CCDC136: variants seen among roughly 807,000 people sequenced by gnomAD.
CCDC136 encodes the protein coiled-coil domain containing 136.
CCDC136 carries 100 observed loss-of-function variants against 141.2 expected under a neutral mutation model. That is an observed-to-expected ratio of 0.71 (90% CI 0.60 to 0.84). The LOEUF (loss-of-function observed/expected upper bound fraction) is 0.84, where lower values mean the gene tolerates loss of function less well. CCDC136 is among the 40% of genes least tolerant of loss of function. The pLI is 0.00. For synonymous variants in CCDC136, 474 were observed against 531.9 expected (o/e 0.89, Z 1.50); for missense variants, 1,206 against 1,379.4 (o/e 0.87, Z 1.99).
At chr7:128,800,458 CTTTT>C (rs67467689) in intron 3 of CCDC136, among the ~76,000 whole-genome samples, 1 of 137,694 alleles carries the variant, frequency 7.3e-6, no homozygotes, top group Non-Finnish European at 1.6e-5. Context: ...ACCTGGCTTT[CTTTT>C]TTTTTTTTTT....
rs371393598 is a variant in CCDC136, at chr7:128,815,892, C to G, written c.3324C>G (p.Pro1108=). Residue 1108 remains proline (P), a synonymous_variant, in exon 16 of 18, where the codon CCC becomes CCG. Transcript: ENST00000297788. The part of the protein sequence containing the change: ...EDDADSSLES[P]EENNPLRLSE... Reference sequence around the variant, plus strand: ...ACGCCGACTCTTCCCTTGAAAGTCCCGAAGAAAATAACCCCCTCAGACTTT... The same window carrying G: ...ACGCCGACTCTTCCCTTGAAAGTCCGGAAGAAAATAACCCCCTCAGACTTT... 1 of 1,613,652 alleles carries G rather than the reference C, an allele frequency of 6.2e-7. No individual in the cohort carries two copies. Among genetic ancestry groups the G allele is most frequent in the Non-Finnish European group, 8.5e-7 (1 of 1,179,802 alleles).
intron 3 of CCDC136, among the ~76,000 whole-genome samples, chr7:128,796,661 A>G (rs2090093587): frequency 6.6e-6 from 1 of 151,072 alleles, no homozygotes; most frequent in African/African-American, 2.4e-5. Context: ...AGTTACTGCA[A>G]TAGTCCAGTC....
intron 1 of CCDC136, among the ~76,000 whole-genome samples, chr7:128,792,665 G>A (rs1027057064): frequency 1.3e-5 from 2 of 152,158 alleles, no homozygotes; most frequent in African/African-American, 4.8e-5. Flanking sequence ...TATGTGTCCC[G>A]AGGGAGCTGC....
At chr7:128,815,491 G>A in intron 15 of CCDC136, 123 bp from the exon 16 acceptor site, 2 of 1,123,786 alleles carry the variant, frequency 1.8e-6, no homozygotes, top group Non-Finnish European at 2.5e-6. Flanking sequence ...CAGAGCACCG[G>A]GCCACACCCT....
chr7:128,809,436 GCCCCCACCCA>G lies in CCDC136; in HGVS notation c.1606-12_1606-3del. The G allele has an allele frequency of 1.7e-6, 1 of 595,334 alleles. No homozygotes were observed. Among genetic ancestry groups the G allele is most frequent in the Non-Finnish European group, 2.5e-6 (1 of 398,680 alleles). 36.9% of individuals were successfully genotyped at this position (595,334 alleles called of 1,614,324 possible). A position where few individuals can be genotyped will look rare whatever the true frequency, so the allele number is the denominator to read the frequency against. On this transcript the variant is annotated splice_region_variant and splice_polypyrimidine_tract_variant and intron_variant, in intron 10 of 17. Coordinates refer to ENST00000297788, the MANE Select transcript of CCDC136 (RefSeq NM_022742.5). Reference sequence around the variant, plus strand: ...CAGAGTAACCACCCCCTCCACACCCGCCCCCACCCACAGTGTGACACACTGCTGTCCAGAC... The same window carrying G: ...CAGAGTAACCACCCCCTCCACACCCGCAGTGTGACACACTGCTGTCCAGAC...
chr7:128,814,738 G>A lies in CCDC136; in HGVS notation c.2864G>A (p.Gly955Glu), dbSNP rs1210168797. 2 of 1,613,524 alleles carry A rather than the reference G, an allele frequency of 1.2e-6. No homozygotes were observed. The highest frequency in any genetic ancestry group is 1.3e-5 in the African/African-American group (1 of 74,920). ...RLLVVQEQLE[G>E]QLQCCQEELR... ...CTGGTAGTGCAGGAGCAGCTGGAGG[G>A]GCAGCTGCAGTGCTGCCAGGAGGAG... The change falls in exon 15 of 18, where the codon GGG becomes GAG. Residue 955 changes from glycine to glutamate, a missense_variant. Coordinates refer to ENST00000297788, the MANE Select transcript of CCDC136 (RefSeq NM_022742.5).
Position 128,805,491 on chromosome 7 carries a change from T to TG in CCDC136, c.916dup (p.Ala306GlyfsTer2). The TG allele has an allele frequency of 6.2e-7, 1 of 1,613,346 alleles. No homozygotes were observed. The highest frequency in any genetic ancestry group is 8.5e-7 in the Non-Finnish European group (1 of 1,179,468). On this transcript the variant is annotated frameshift_variant, in exon 6 of 18. Coordinates refer to ENST00000297788, the MANE Select transcript of CCDC136 (RefSeq NM_022742.5). LOFTEE classifies it high-confidence loss of function. The surrounding 1 kb of genome is among the most constrained non-coding windows in gnomAD (Gnocchi z 4.6). The stretch of plus-strand genomic sequence containing the variant: ...AGTTGTTACGGCAGCAGCTACGGGA[T>TG]GCTGAAGAGCAGATGCATGGCATGA...
At chr7:128,810,029 C>G (rs1805471126) in intron 11 of CCDC136, 110 bp from the exon 12 acceptor site, 1 of 704,108 alleles carries the variant, frequency 1.4e-6, no homozygotes, top group South Asian at 1.9e-5. Context: ...GAAGTCAACC[C>G]TGAGATTCTT....
rs1377492802 is a variant in CCDC136 at position 128,804,773 on chromosome 7, T to C, written c.782+12T>C. The C allele has an allele frequency of 6.5e-7, 1 of 1,528,478 alleles. No individual in the cohort carries two copies. Among genetic ancestry groups the C allele is most frequent in the Non-Finnish European group, 9.0e-7 (1 of 1,115,926 alleles). 94.7% of individuals were successfully genotyped at this position (1,528,478 alleles called of 1,614,324 possible). A position where few individuals can be genotyped will look rare whatever the true frequency, so the allele number is the denominator to read the frequency against. On this transcript the variant is annotated intron_variant, in intron 5 of 17. Transcript: ENST00000297788. ...CTGGAGAGTGAGAGGTACAGCTGTC[T>C]CTGGAGAGTGAGAGGTCATGGGGTT...
chr7:128,796,811 G>A (rs1178091203), intron 3 of CCDC136, among the ~76,000 whole-genome samples: 11 of 140,774 alleles, frequency 7.8e-5, no homozygotes, highest in Non-Finnish European at 9.2e-5. Context: ...GCGGGATCTC[G>A]GCTCACTGCA....
intron 17 of CCDC136, among the ~76,000 whole-genome samples, chr7:128,820,641 G>A (rs1394270565): frequency 2.0e-5 from 3 of 152,246 alleles, no homozygotes; most frequent in African/African-American, 7.2e-5. Flanking sequence ...CTCTGTCACC[G>A]AGGCTAGAGT....
chr7:128,804,091 C>G (rs894293976), intron 4 of CCDC136, among the ~76,000 whole-genome samples: 2 of 152,206 alleles, frequency 1.3e-5, no homozygotes, highest in African/African-American at 4.8e-5. Context: ...GTTGGGATTA[C>G]AGGCTTGAGC....
intron 12 of CCDC136, among the ~76,000 whole-genome samples, chr7:128,811,590 A>G (rs1805721327): frequency 6.6e-6 from 1 of 152,206 alleles, no homozygotes; most frequent in Non-Finnish European, 1.5e-5. Context: ...ATCATGGAGT[A>G]TCTGCCCTGG....
intron 9 of CCDC136, 81 bp downstream of exon 9, chr7:128,806,939 T>C: frequency 2.8e-6 from 4 of 1,419,268 alleles, no homozygotes; most frequent in South Asian, 3.0e-5. Flanking sequence ...CGAGAGGGAA[T>C]GGTAGGAGTG....
intron 16 of CCDC136, among the ~76,000 whole-genome samples, chr7:128,816,473 G>C (rs189168591): frequency 6.6e-6 from 1 of 152,258 alleles, no homozygotes; most frequent in South Asian, 2.1e-4. Context: ...GGTGGGGCCT[G>C]GAAGTGATCA....
chr7:128,798,063 G>T (rs1200146802), intron 3 of CCDC136, among the ~76,000 whole-genome samples: 3 of 150,726 alleles, frequency 2.0e-5, no homozygotes, highest in East Asian at 2.0e-4. Flanking sequence ...GACTACAGGC[G>T]CCCGCCACCA....
chr7:128,820,818 T>C (rs1193379777), intron 17 of CCDC136, among the ~76,000 whole-genome samples: 3 of 152,234 alleles, frequency 2.0e-5, no homozygotes, highest in Non-Finnish European at 4.4e-5. Context: ...TTAGTAGCTA[T>C]TTCTATAAGC....
At position 128,805,642 on chromosome 7, in the gene CCDC136, G is replaced by A. The variant is rs181303684; in HGVS notation, c.948+118G>A. 4,535 of 1,529,186 alleles carry A rather than the reference G, an allele frequency of 3.0e-3. 11 individuals carry two copies. The highest frequency in any genetic ancestry group is 3.9e-3 in the Non-Finnish European group (4,390 of 1,119,964). The allele number at this position is 1,529,186 out of a possible 1,614,324, so 94.7% of individuals were successfully genotyped here. On this transcript the variant is annotated intron_variant, in intron 6 of 17. Coordinates refer to ENST00000297788, the MANE Select transcript of CCDC136 (RefSeq NM_022742.5). The surrounding 1 kb of genome is among the most constrained non-coding windows in gnomAD (Gnocchi z 4.6). ...CTGTGGAGGGAGATAGTACTCTGGG[G>A]TCTCACTTGCCTGATGTAAATCTTC...
intron 3 of CCDC136, among the ~76,000 whole-genome samples, chr7:128,796,740 TTC>T (rs1358689589): frequency 1.3e-4 from 16 of 124,764 alleles, no homozygotes; most frequent in African/African-American, 5.6e-4. Flanking sequence ...TATATATATA[TTC>T]TTTTTTTTTT....
Sources: allele counts gnomAD v4.1 joint callset (sites outside exome capture counted in the v4.1 genomes callset), GRCh38; gene constraint gnomAD v4.1.1; non-coding constraint Gnocchi (gnomAD v3.1); transcripts MANE v1.5; gene names NCBI Gene and HGNC (gene_info 2026-07-23, HGNC 2026-07-21).